The following AVEN variants were observed in gnomAD, a reference collection of about 807,000 sequenced individuals.
AVEN encodes the protein cell death regulator Aven.
In AVEN, 41 loss-of-function variants were observed where a neutral mutation model predicts 38.1. The observed-to-expected ratio is 1.08, with a 90% CI of 0.84 to 1.40. The LOEUF (loss-of-function observed/expected upper bound fraction) is 1.40. Among genes scored for constraint, AVEN ranks in the 40% most tolerant of loss-of-function variants. The probability of loss-of-function intolerance (pLI) is 0.00; values close to 1 mark genes in which losing one functional copy is unlikely to be tolerated. For missense variants in AVEN, 605 were observed against 438.8 expected (o/e 1.38, Z -3.38); for synonymous variants, 206 against 171.8 (o/e 1.20, Z -1.56).
Position 34,038,780 on chromosome 15 carries a change from C to A in AVEN, c.267G>T (p.Pro89=). 8.5e-7 allele frequency: 1 copy of A among 1,176,508 alleles called. No individual in the cohort carries two copies. The allele number at this position is 1,176,508 out of a possible 1,614,324, so 72.9% of individuals were successfully genotyped here. ...AGCCCCACCAGCCGTCGCCTCTTAC[C>A]GGCGCGCTGGCCCCTGCGCCCCAGC... ...PGGWGAGASA[P]VEDDSDAETY... is the part of the protein sequence containing the mutation. Residue 89 remains proline (P), a splice_region_variant and synonymous_variant, in exon 1 of 6, where the codon CCG becomes CCT. Coordinates refer to ENST00000306730, the MANE Select transcript of AVEN (RefSeq NM_020371.3).
chr15:34,058,686 T>G (rs1900239575), intron 5 of AVEN, among the ~76,000 whole-genome samples: 1 of 152,168 alleles, frequency 6.6e-6, no homozygotes, highest in Non-Finnish European at 1.5e-5. Flanking sequence ...TTCTGCTTTC[T>G]TCAGGCCTTC....
At chr15:33,876,157 T>G (rs1393609794) in intron 2 of AVEN, among the ~76,000 whole-genome samples, 162 bp from the exon 3 acceptor site, 1 of 152,038 alleles carries the variant, frequency 6.6e-6, no homozygotes, top group South Asian at 2.1e-4. Context: ...TTTCCAAAAT[T>G]ACAAAACACA....
At chr15:33,953,348 A>C (rs574577912) in intron 2 of AVEN, among the ~76,000 whole-genome samples, 85 of 152,352 alleles carry the variant, frequency 5.6e-4, no homozygotes, top group African/African-American at 1.9e-3. Context: ...CTATGCAAAA[A>C]GAACAAAGCT....
At chr15:33,975,787 G>A (rs998738931) in intron 2 of AVEN, among the ~76,000 whole-genome samples, 17 of 152,094 alleles carry the variant, frequency 1.1e-4, no homozygotes, top group African/African-American at 2.2e-4. Flanking sequence ...AAAATTAGCC[G>A]GGCGTGGTGG....
rs142635197 is a variant in AVEN, at chr15:33,893,843, A to G, written c.446-17848T>C. Among the ~76,000 whole-genome samples the G allele has an allele frequency of 5.2e-3, 796 of 152,316 alleles. 4 individuals carry two copies. Among genetic ancestry groups the G allele is most frequent in the Middle Eastern group, 0.02 (6 of 294 alleles). On this transcript the variant is annotated intron_variant, in intron 2 of 5. Transcript: ENST00000306730. ...TGCAATAAATCAAAGAAGCAGTTGG[A>G]ATAGAGTGTGGTCACGGTGTTCCAT...
chr15:33,857,975 C>G (rs1426183083), downstream of AVEN: 47 of 1,601,256 alleles, frequency 2.9e-5, no homozygotes, highest in South Asian at 2.3e-4. Flanking sequence ...GCCCCACCAC[C>G]TCACTGGGAA....
chr15:33,892,212 CAGA>C (rs1268878747), intron 2 of AVEN, among the ~76,000 whole-genome samples: 2 of 152,196 alleles, frequency 1.3e-5, no homozygotes, highest in Non-Finnish European at 2.9e-5. Flanking sequence ...TTTTGCTGTG[CAGA>C]AGCTCTTTGG....
chr15:34,010,119 T>C (rs1348975713), intron 1 of AVEN, among the ~76,000 whole-genome samples: 2 of 152,162 alleles, frequency 1.3e-5, no homozygotes, highest in African/African-American at 4.8e-5. Flanking sequence ...ACCTTTAATA[T>C]GGATTAGACT....
rs148367937 is a variant in AVEN at position 33,948,090 on chromosome 15, A to AT, written c.445+54941dup. 4.7e-3 allele frequency among the ~76,000 whole-genome samples: 673 copies of AT among 143,364 alleles called. 8 individuals carry two copies. Among genetic ancestry groups the AT allele is most frequent in the African/African-American group, 0.016 (619 of 39,378 alleles). The allele number at this position is 143,364 out of a possible 152,430, so 94.1% of individuals were successfully genotyped here. A position where few individuals can be genotyped will look rare whatever the true frequency, so the allele number is the denominator to read the frequency against. ...TTTATGAGAGTATCAAACAATGTCTATTTTTCTTTTCTTTTTTTTTTTTTT... is the reference window on the plus strand; with the variant it reads ...TTTATGAGAGTATCAAACAATGTCTATTTTTTCTTTTCTTTTTTTTTTTTTT... On this transcript the variant is annotated intron_variant, in intron 2 of 5. Transcript: ENST00000306730.
chr15:34,073,473 G>C (rs1181235176), intron 1 of AVEN, among the ~76,000 whole-genome samples: 1 of 150,298 alleles, frequency 6.7e-6, no homozygotes, highest in Non-Finnish European at 1.5e-5. Context: ...AAATCATAAG[G>C]CTTCGAGTAA....
chr15:33,866,783 A>G, intron 5 of AVEN, 55 bp from the exon 6 acceptor site: 2 of 1,280,206 alleles, frequency 1.6e-6, no homozygotes, highest in Non-Finnish European at 1.1e-6. Flanking sequence ...AATTGAAGGT[A>G]TAATTCAGCC....
chr15:33,938,655 C>T lies in AVEN; in HGVS notation c.446-62660G>A, dbSNP rs117197196. Reference sequence around the variant, plus strand: ...CTTGCTGGACATTCATACCTAACCTCTTAGCAGCACCTTATTCATCAAAAT... The same window carrying T: ...CTTGCTGGACATTCATACCTAACCTTTTAGCAGCACCTTATTCATCAAAAT... On this transcript the variant is annotated intron_variant, in intron 2 of 5. Coordinates refer to ENST00000306730, the MANE Select transcript of AVEN (RefSeq NM_020371.3). Among the ~76,000 whole-genome samples, 79 of 152,258 alleles carry T rather than the reference C, an allele frequency of 5.2e-4. 1 individual carries two copies. The East Asian group carries it at 0.012, about 23-fold the overall frequency.
intron 11 of AVEN, chr15:33,860,644 A>G (rs2153016543): frequency 6.3e-7 from 1 of 1,593,880 alleles, no homozygotes; most frequent in Non-Finnish European, 8.6e-7. Context: ...AGGAACAAGT[A>G]CGAGAAGATA....
intron 2 of AVEN, among the ~76,000 whole-genome samples, chr15:33,906,558 GA>G (rs2153044444): frequency 6.6e-6 from 1 of 152,242 alleles, no homozygotes; most frequent in Non-Finnish European, 1.5e-5. Flanking sequence ...TGGAATTCTC[GA>G]AATACATAAT....
chr15:34,013,165 G>A (rs113540998), intron 1 of AVEN, among the ~76,000 whole-genome samples: 15,427 of 151,886 alleles, frequency 0.1, 873 homozygotes, highest in East Asian at 0.24. Flanking sequence ...GGGTTCAAGC[G>A]ATTCTCATGT....
At chr15:33,969,924 T>A (rs557039518) in intron 2 of AVEN, among the ~76,000 whole-genome samples, 1 of 152,020 alleles carries the variant, frequency 6.6e-6, no homozygotes, top group Non-Finnish European at 1.5e-5. Context: ...AATCACTGCA[T>A]AATGAGACTT....
intron 2 of AVEN, among the ~76,000 whole-genome samples, chr15:33,919,728 T>TAC (rs1480463804): frequency 8.5e-5 from 13 of 152,264 alleles, no homozygotes; most frequent in Admixed American, 7.8e-4. Flanking sequence ...TATGTGACAA[T>TAC]ACACACACAT....
chr15:34,016,119 A>C (rs1897897745), intron 1 of AVEN, among the ~76,000 whole-genome samples: 1 of 152,244 alleles, frequency 6.6e-6, no homozygotes, highest in East Asian at 1.9e-4. Context: ...TCTACTAAAA[A>C]TACAAAATTA....
chr15:33,933,562 G>C (rs1893953439), intron 2 of AVEN, among the ~76,000 whole-genome samples: 4 of 145,234 alleles, frequency 2.8e-5, no homozygotes, highest in South Asian at 2.2e-4. Flanking sequence ...GAGAGAGAGA[G>C]AGAGAGAGAG....
Sources: allele counts gnomAD v4.1 joint callset (sites outside exome capture counted in the v4.1 genomes callset), GRCh38; gene constraint gnomAD v4.1.1; transcripts MANE v1.5; gene names NCBI Gene and HGNC (gene_info 2026-07-23, HGNC 2026-07-21).